LRBA: variants seen among roughly 807,000 people sequenced by gnomAD.
The protein encoded by LRBA is LPS responsive beige-like anchor protein.
A neutral mutation model predicts 330.0 loss-of-function variants in LRBA; 176 were observed. The observed-to-expected ratio is 0.53, with a 90% CI of 0.47 to 0.60. The LOEUF (loss-of-function observed/expected upper bound fraction) is 0.60. Ranked by LOEUF, LRBA falls within the 20% of genes least tolerant of loss-of-function variation. The pLI is 0.00. For missense variants in LRBA, 3,259 were observed against 3,444.8 expected, an observed-to-expected ratio of 0.95 and a Z score of 1.35; for synonymous variants, 1,230 against 1,193.0, an observed-to-expected ratio of 1.03 and a Z score of -0.64.
At chr4:150,467,306 TCTATC>T (rs1755567059) in intron 44 of LRBA, among the ~76,000 whole-genome samples, 1 of 152,130 alleles carries the variant, frequency 6.6e-6, no homozygotes, top group Non-Finnish European at 1.5e-5. Context: ...GAATTAAACT[TCTATC>T]CTGTCTTTTC....
At chr4:150,451,889 C>A (rs929772120) in intron 44 of LRBA, among the ~76,000 whole-genome samples, 12 of 152,028 alleles carry the variant, frequency 7.9e-5, no homozygotes, top group African/African-American at 2.9e-4. Flanking sequence ...AAAGATAACC[C>A]GAATAGCACT....
chr4:150,271,360 G>A (rs1746070333), intron 56 of LRBA, among the ~76,000 whole-genome samples: 1 of 151,506 alleles, frequency 6.6e-6, no homozygotes, highest in Non-Finnish European at 1.5e-5. Context: ...ATGCCAGCGA[G>A]ACAGAACCGT....
Position 150,321,048 on chromosome 4 carries a change from TAAGCCTTTC to T in LRBA, c.7630+134_7630+142del, listed in dbSNP as rs1732439794. The T allele has an allele frequency of 2.9e-5, 22 of 753,120 alleles. No homozygotes were observed. The South Asian group carries it at 4.5e-4, about 16-fold the overall frequency. 46.7% of individuals were successfully genotyped at this position (753,120 alleles called of 1,614,324 possible). ...CTATATGCCTCACGTGGGCCTTTTT[TAAGCCTTTC>T]AAACTATTAAACAATTTGATTCAGA... is the stretch of plus-strand genomic sequence containing the variant. On this transcript the variant is annotated intron_variant, in intron 50 of 56. Transcript: ENST00000651943. This position sits in a 1 kb window ranked among gnomAD's most constrained non-coding sequence, Gnocchi z 4.5.
chr4:150,931,838 T>TA lies in LRBA; in HGVS notation c.217-2774dup, dbSNP rs1380763136. ...AATCATCAATCAATCCCTCATACCA[T>TA]AAAAAAATTTCCAAATGAGTCTAAG... On this transcript the variant is annotated intron_variant, in intron 2 of 56. Transcript: ENST00000651943. Among the ~76,000 whole-genome samples, 4 of 151,952 alleles carry TA rather than the reference T, an allele frequency of 2.6e-5. No homozygotes were observed. In the South Asian group the frequency reaches 6.2e-4, roughly 24 times the overall value.
intron 35 of LRBA, among the ~76,000 whole-genome samples, chr4:150,753,238 C>A (rs920902487): frequency 6.6e-6 from 1 of 152,132 alleles, no homozygotes; most frequent in Non-Finnish European, 1.5e-5. Context: ...TTTTTAATTT[C>A]TTTATTGTCT....
chr4:150,863,421 G>T (rs1752220011), intron 22 of LRBA, among the ~76,000 whole-genome samples: 1 of 152,010 alleles, frequency 6.6e-6, no homozygotes, highest in Admixed American at 6.6e-5. Context: ...CAGCACTTTG[G>T]GAGGCTGAGT....
At chr4:150,622,277 A>C (rs66509882) in intron 37 of LRBA, among the ~76,000 whole-genome samples, 12,752 of 152,244 alleles carry the variant, frequency 0.084, 1,031 homozygotes, top group East Asian at 0.33. Context: ...AAGACAGATC[A>C]TGTGTAACTC....
chr4:150,970,053 C>T (rs968063237), intron 2 of LRBA, among the ~76,000 whole-genome samples: 19 of 152,190 alleles, frequency 1.2e-4, no homozygotes, highest in Admixed American at 1.2e-3. Context: ...CACTGAGCAA[C>T]CACCACCCTG....
intron 27 of LRBA, 132 bp from the exon 28 acceptor site, chr4:150,844,339 T>G (rs1749540759): frequency 3.8e-6 from 2 of 532,454 alleles, no homozygotes; most frequent in Non-Finnish European, 6.3e-6. Context: ...CCACTTTTTT[T>G]GTGTGTATGC....
chr4:150,438,000 C>T (rs1751345933), intron 44 of LRBA, among the ~76,000 whole-genome samples: 1 of 152,160 alleles, frequency 6.6e-6, no homozygotes, highest in Non-Finnish European at 1.5e-5. Context: ...CATATCCTTA[C>T]AAAGACGTAG....
intron 34 of LRBA, among the ~76,000 whole-genome samples, chr4:150,775,158 T>A (rs1214451151): frequency 6.6e-6 from 1 of 152,130 alleles, no homozygotes; most frequent in African/African-American, 2.4e-5. Flanking sequence ...GTTCCTACCA[T>A]AAGGTCTGAT....
intron 28 of LRBA, among the ~76,000 whole-genome samples, chr4:150,835,218 T>A (rs1478195871): frequency 6.6e-6 from 1 of 152,212 alleles, no homozygotes; most frequent in Non-Finnish European, 1.5e-5. Flanking sequence ...CCTTATAGTA[T>A]AGCTTGAAGT....
intron 11 of LRBA, among the ~76,000 whole-genome samples, chr4:150,907,269 A>AG (rs1279702935): frequency 2.9e-5 from 2 of 68,136 alleles, no homozygotes; most frequent in South Asian, 9.7e-4. Flanking sequence ...GGAAGAGAGA[A>AG]GGGGGGGAGA....
chr4:150,987,962 A>C (rs1403372995), intron 2 of LRBA, among the ~76,000 whole-genome samples: 1 of 150,866 alleles, frequency 6.6e-6, no homozygotes, highest in Admixed American at 6.6e-5. Context: ...AGATCACACA[A>C]CTTCACTACA....
intron 46 of LRBA, among the ~76,000 whole-genome samples, chr4:150,425,715 A>T (rs1749505427): frequency 6.6e-6 from 1 of 152,208 alleles, no homozygotes; most frequent in Non-Finnish European, 1.5e-5. Context: ...TGGGGCAAAC[A>T]TACCAACTAC....
intron 33 of LRBA, among the ~76,000 whole-genome samples, chr4:150,801,130 A>C (rs1025065701): frequency 1.5e-4 from 23 of 152,316 alleles, no homozygotes; most frequent in African/African-American, 5.3e-4. Context: ...TATTTTTTAA[A>C]ATAGGATGGC....
At chr4:150,465,020 A>G (rs1316735559) in intron 44 of LRBA, among the ~76,000 whole-genome samples, 1 of 151,742 alleles carries the variant, frequency 6.6e-6, no homozygotes, top group East Asian at 1.9e-4. Flanking sequence ...CAATCCTGAA[A>G]CTCTATACCT....
At chr4:150,707,838 G>A (rs1582107671) in intron 36 of LRBA, among the ~76,000 whole-genome samples, 1 of 151,714 alleles carries the variant, frequency 6.6e-6, no homozygotes, top group Non-Finnish European at 1.5e-5. Flanking sequence ...TAAATAGTGA[G>A]AAGCTGCAAC....
intron 34 of LRBA, among the ~76,000 whole-genome samples, chr4:150,790,985 T>A (rs1392165066): frequency 1.3e-5 from 2 of 152,180 alleles, no homozygotes; most frequent in Non-Finnish European, 2.9e-5. Context: ...TATCCACTAA[T>A]TTTTTATAAG....
Sources: gnomAD v4.1 joint callset for allele counts (sites outside exome capture counted in the v4.1 genomes callset) on GRCh38, gnomAD v4.1.1 for gene constraint, Gnocchi (gnomAD v3.1) non-coding constraint, MANE v1.5 for transcripts, NCBI Gene and HGNC (gene_info 2026-07-23, HGNC 2026-07-21) for gene names.